The following KLHDC4 variants were observed in gnomAD, a reference collection of about 807,000 sequenced individuals.
KLHDC4 encodes the protein kelch domain-containing protein 4.
In KLHDC4, 90 loss-of-function variants were observed where a neutral mutation model predicts 62.4. That is an observed-to-expected ratio of 1.44 (90% CI 1.22 to 1.72). The LOEUF is 1.72. Among genes scored for constraint, KLHDC4 ranks in the 40% most tolerant of loss-of-function variants. The pLI, the probability that KLHDC4 is intolerant of heterozygous loss-of-function variation, is 0.00. For missense variants in KLHDC4, 1,025 were observed against 699.7 expected, an observed-to-expected ratio of 1.47 and a Z score of -5.25; for synonymous variants, 386 against 284.4, an observed-to-expected ratio of 1.36 and a Z score of -3.59.
At chr16:87,707,214 C>T (rs531964736), downstream of KLHDC4, among the ~76,000 whole-genome samples, 33 of 152,336 alleles carry the variant, frequency 2.2e-4, 1 homozygote, top group Admixed American at 1.8e-3. Flanking sequence ...CCACAGCCTT[C>T]GGGGGCAAGG....
At position 87,711,474 on chromosome 16, in the gene KLHDC4, G is replaced by A. The variant is rs774299609; in HGVS notation, c.836-31C>T. 4.5e-6 allele frequency: 7 copies of A among 1,572,548 alleles called. No individual in the cohort carries two copies. The East Asian group carries it at 1.4e-4, about 30-fold the overall frequency. ...AAAAGAGAACAAGGAAGTGGGATAAGAACACAAGGAAGGACCCTGAGAGCC... is the reference window on the plus strand; with the variant it reads ...AAAAGAGAACAAGGAAGTGGGATAAAAACACAAGGAAGGACCCTGAGAGCC... On this transcript the variant is annotated intron_variant, in intron 8 of 11. Transcript: ENST00000270583.
intron 5 of KLHDC4, among the ~76,000 whole-genome samples, chr16:87,746,073 G>C (rs962189060): frequency 2.6e-5 from 4 of 151,836 alleles, no homozygotes; most frequent in African/African-American, 7.3e-5. Context: ...AGACCAACCT[G>C]GGCAACATGA....
chr16:87,717,376 T>C (rs933038640), intron 7 of KLHDC4, among the ~76,000 whole-genome samples: 1 of 152,260 alleles, frequency 6.6e-6, no homozygotes, highest in Non-Finnish European at 1.5e-5. Flanking sequence ...GTACTGTATT[T>C]ACTATAATGG....
chr16:87,705,495 C>T (rs140726982), downstream of KLHDC4, among the ~76,000 whole-genome samples: 2 of 152,360 alleles, frequency 1.3e-5, no homozygotes, highest in East Asian at 3.9e-4. Flanking sequence ...AAATCTTTAG[C>T]AACAAAAGCA....
intron 4 of KLHDC4, among the ~76,000 whole-genome samples, chr16:87,749,432 T>C (rs550318766): frequency 6.6e-6 from 1 of 151,906 alleles, no homozygotes; most frequent in South Asian, 2.1e-4. Flanking sequence ...CATGCACCTG[T>C]AGTCCCAGCT....
chr16:87,755,089 C>T, intron 4 of KLHDC4, 105 bp downstream of exon 4: 1 of 735,064 alleles, frequency 1.4e-6, no homozygotes, highest in Non-Finnish European at 2.4e-6. Context: ...TCTACAGGGC[C>T]CAGCCCCTCC....
chr16:87,702,046 C>T (rs573658682), exon 1 of KLHDC4: 5 of 456,226 alleles, frequency 1.1e-5, no homozygotes, highest in Non-Finnish European at 2.2e-5. Context: ...GGTCTGGTCC[C>T]TGGTGACCCC....
intron 7 of KLHDC4, among the ~76,000 whole-genome samples, chr16:87,725,323 G>T (rs975404990): frequency 1.3e-5 from 2 of 152,132 alleles, no homozygotes; most frequent in Non-Finnish European, 2.9e-5. Flanking sequence ...CCGCCACCAC[G>T]CCCGGCTAAT....
chr16:87,761,260 C>T (rs767623661), intron 2 of KLHDC4, among the ~76,000 whole-genome samples: 1 of 152,176 alleles, frequency 6.6e-6, no homozygotes, highest in African/African-American at 2.4e-5. Flanking sequence ...CCTCTGAGGC[C>T]GGTGGGTGGG....
At chr16:87,763,239 G>C (rs2046139485) in intron 1 of KLHDC4, among the ~76,000 whole-genome samples, 1 of 152,276 alleles carries the variant, frequency 6.6e-6, no homozygotes, top group Middle Eastern at 3.4e-3. Flanking sequence ...TTAGTCTCAC[G>C]CTTTTCTTCA....
chr16:87,730,960 G>A (rs1176962348), intron 5 of KLHDC4: 2 of 168,496 alleles, frequency 1.2e-5, no homozygotes, highest in Non-Finnish European at 2.3e-5. Flanking sequence ...TACACCATTA[G>A]AAAATAAAAA....
chr16:87,710,022 A>C, intron 9 of KLHDC4: 2 of 248,304 alleles, frequency 8.1e-6, no homozygotes, highest in South Asian at 1.0e-4. Context: ...GGAAAACCCA[A>C]TCACCCACAG....
downstream of KLHDC4, among the ~76,000 whole-genome samples, chr16:87,705,690 T>C (rs538635659): frequency 4.5e-4 from 68 of 152,324 alleles, 1 homozygote; most frequent in African/African-American, 1.6e-3. Flanking sequence ...AACAAGATAT[T>C]TCCTCTTCTT....
chr16:87,747,194 A>C (rs2043167510), intron 5 of KLHDC4, among the ~76,000 whole-genome samples: 1 of 152,224 alleles, frequency 6.6e-6, no homozygotes, highest in African/African-American at 2.4e-5. Context: ...GAGGCACCGG[A>C]GCCAACACCA....
intron 5 of KLHDC4, among the ~76,000 whole-genome samples, chr16:87,745,207 A>T (rs1056388291): frequency 6.6e-6 from 1 of 152,210 alleles, no homozygotes; most frequent in Non-Finnish European, 1.5e-5. Context: ...CCCTACACCC[A>T]TATTGCCCAG....
chr16:87,761,939 A>G lies in KLHDC4; in HGVS notation c.191+10T>C, dbSNP rs1361300749. Reference sequence around the variant, plus strand: ...GGAAACATACAATATGAAAAATGCTACTTGCTCACCTTGGTGAGGGTGGGG... The same window carrying G: ...GGAAACATACAATATGAAAAATGCTGCTTGCTCACCTTGGTGAGGGTGGGG... On this transcript the variant is annotated intron_variant, in intron 2 of 11. Transcript: ENST00000270583. The G allele has an allele frequency of 1.2e-6, 2 of 1,611,938 alleles. No homozygotes were observed. Among genetic ancestry groups the G allele is most frequent in the East Asian group, 4.5e-5 (2 of 44,820 alleles).
At chr16:87,754,372 T>C (rs562904718) in intron 4 of KLHDC4, among the ~76,000 whole-genome samples, 26 of 152,196 alleles carry the variant, frequency 1.7e-4, no homozygotes, top group African/African-American at 6.3e-4. Flanking sequence ...AATACAAGCG[T>C]ATACAAATCT....
chr16:87,728,244 T>A (rs1272945397), intron 6 of KLHDC4, among the ~76,000 whole-genome samples: 6 of 152,122 alleles, frequency 3.9e-5, no homozygotes, highest in Non-Finnish European at 8.8e-5. Context: ...ACTGACCACA[T>A]CCTTCGCAGG....
chr16:87,700,139 G>A (rs2034068220), exon 1 of KLHDC4: 1 of 152,422 alleles, frequency 6.6e-6, no homozygotes, highest in African/African-American at 2.4e-5. Flanking sequence ...CCTCATACGT[G>A]CGACAGACGC....
Sources: allele counts gnomAD v4.1 joint callset (sites outside exome capture counted in the v4.1 genomes callset), GRCh38; gene constraint gnomAD v4.1.1; transcripts MANE v1.5; gene names NCBI Gene and HGNC (gene_info 2026-07-23, HGNC 2026-07-21).